The following LEPR variants were observed in gnomAD, a reference collection of about 807,000 sequenced individuals.
LEPR encodes the protein OB receptor.
In LEPR, 56 loss-of-function variants were observed where a neutral mutation model predicts 114.7. The ratio of observed to expected loss-of-function variants is 0.49; its 90% CI spans 0.39 to 0.61. The LOEUF (loss-of-function observed/expected upper bound fraction) is 0.61, where lower values mean the gene tolerates loss of function less well. LEPR is among the 20% of genes least tolerant of loss of function. The pLI, the probability that LEPR is intolerant of heterozygous loss-of-function variation, is 0.00. For missense variants in LEPR, 1,202 were observed against 1,352.9 expected (o/e 0.89, Z 1.75); for synonymous variants, 443 against 461.4 (o/e 0.96, Z 0.51).
intron 4 of LEPR, 125 bp from the exon 5 acceptor site, chr1:65,572,201 A>G (rs1019825571): frequency 3.2e-6 from 4 of 1,254,072 alleles, no homozygotes; most frequent in Non-Finnish European, 4.3e-6. Context: ...AGAATAGGCA[A>G]TGGAAGTTGT....
intron 2 of LEPR, among the ~76,000 whole-genome samples, chr1:65,520,538 C>T (rs1649580573): frequency 6.6e-6 from 1 of 152,102 alleles, no homozygotes; most frequent in South Asian, 2.1e-4. Flanking sequence ...TGTGGCATTC[C>T]TATGAATGAT....
Position 65,633,442 on chromosome 1 carries a change from T to G in LEPR, c.2674-2749T>G. Reference sequence around the variant, plus strand: ...AAAAGTAGTATTCATGATTTCTGGCTTTTGATTTGTCATATTCCTGGTCAT... The same window carrying G: ...AAAAGTAGTATTCATGATTTCTGGCGTTTGATTTGTCATATTCCTGGTCAT... On this transcript the variant is annotated intron_variant, in intron 19 of 19. Transcript: ENST00000349533. The surrounding 1 kb of genome is among the most constrained non-coding windows in gnomAD (Gnocchi z 4.1). 7.9e-7 allele frequency: 1 copy of G among 1,266,116 alleles called. No homozygotes were observed. Among genetic ancestry groups the G allele is most frequent in the Non-Finnish European group, 9.9e-7 (1 of 1,006,316 alleles). 78.4% of individuals were successfully genotyped at this position (1,266,116 alleles called of 1,614,324 possible).
At chr1:65,592,505 G>C in intron 5 of LEPR, 152 bp from the exon 6 acceptor site, 1 of 723,752 alleles carries the variant, frequency 1.4e-6, no homozygotes, top group Non-Finnish European at 2.2e-6. Context: ...CTTTATCTTT[G>C]TTTTTCTAAT....
intron 5 of LEPR, among the ~76,000 whole-genome samples, chr1:65,574,086 T>C (rs765922775): frequency 2.0e-5 from 3 of 152,196 alleles, no homozygotes; most frequent in Non-Finnish European, 4.4e-5. Context: ...CATAATGTCA[T>C]GGGAGCCCAT....
chr1:65,633,925 G>A lies in LEPR; in HGVS notation c.2674-2266G>A. The stretch of plus-strand genomic sequence containing the variant: ...CAGGTCAGATTGACGGGACCAGAAG[G>A]GAACATCGACTTCTAATCCAGCTTT... On this transcript the variant is annotated intron_variant, in intron 19 of 19. Coordinates refer to ENST00000349533, the MANE Select transcript of LEPR (RefSeq NM_002303.6). The surrounding 1 kb of genome is among the most constrained non-coding windows in gnomAD (Gnocchi z 4.1). The A allele has an allele frequency of 1.0e-6, 1 of 985,378 alleles. No individual in the cohort carries two copies. Among genetic ancestry groups the A allele is most frequent in the Middle Eastern group, 5.2e-4 (1 of 1,914 alleles). 61.0% of individuals were successfully genotyped at this position (985,378 alleles called of 1,614,324 possible).
intron 5 of LEPR, among the ~76,000 whole-genome samples, chr1:65,587,654 G>A (rs754161290): frequency 6.6e-6 from 1 of 151,962 alleles, no homozygotes; most frequent in Non-Finnish European, 1.5e-5. Flanking sequence ...TTAATTTAGT[G>A]TGCTTTTGAC....
chr1:65,595,313 T>G (rs1489348535), intron 6 of LEPR, among the ~76,000 whole-genome samples: 1 of 152,060 alleles, frequency 6.6e-6, no homozygotes, highest in African/African-American at 2.4e-5. Context: ...AGGGGACTCC[T>G]TCATGGCCTC....
At chr1:65,619,208 G>A (rs1160379887) in intron 16 of LEPR, among the ~76,000 whole-genome samples, 2 of 152,150 alleles carry the variant, frequency 1.3e-5, no homozygotes, top group Non-Finnish European at 2.9e-5. Context: ...TTGTTGAACT[G>A]AATTTAGTTC....
intron 19 of LEPR, among the ~76,000 whole-genome samples, chr1:65,635,897 A>G (rs1017681076): frequency 1.3e-5 from 2 of 152,178 alleles, no homozygotes; most frequent in African/African-American, 2.4e-5. Flanking sequence ...ACCATGAAGC[A>G]CATTTTTAGA....
intron 19 of LEPR, chr1:65,629,422 A>T (rs1413427186): frequency 2.4e-6 from 1 of 414,916 alleles, no homozygotes; most frequent in African/African-American, 2.1e-5. Context: ...CATTGTTATG[A>T]TTATGTAAAT....
At chr1:65,425,401 A>T in intron 2 of LEPR, 23 bp downstream of exon 2, 1 of 1,571,306 alleles carries the variant, frequency 6.4e-7, no homozygotes, top group Non-Finnish European at 8.6e-7. Flanking sequence ...TTCAAAAAGA[A>T]CTATTCCTCT....
intron 2 of LEPR, among the ~76,000 whole-genome samples, chr1:65,548,730 A>G (rs1422994222): frequency 6.6e-6 from 1 of 151,998 alleles, no homozygotes; most frequent in Non-Finnish European, 1.5e-5. Flanking sequence ...TTTCCTGAAT[A>G]CAGCACACTG....
intron 2 of LEPR, among the ~76,000 whole-genome samples, chr1:65,511,051 T>C (rs980113136): frequency 6.6e-6 from 1 of 152,134 alleles, no homozygotes; most frequent in Non-Finnish European, 1.5e-5. Flanking sequence ...TTAGAATTGT[T>C]TTAGAGCTAA....
chr1:65,595,182 A>G (rs1462295477), intron 6 of LEPR, among the ~76,000 whole-genome samples: 3 of 151,958 alleles, frequency 2.0e-5, no homozygotes, highest in Admixed American at 1.3e-4. Context: ...CAGGGGTGGC[A>G]TTAGCTCATT....
At chr1:65,499,770 C>T (rs547285149) in intron 2 of LEPR, among the ~76,000 whole-genome samples, 39 of 152,242 alleles carry the variant, frequency 2.6e-4, no homozygotes, top group African/African-American at 9.1e-4. Flanking sequence ...TACAGCTCAT[C>T]GATGTTTGTT....
chr1:65,437,332 C>T (rs920159464), intron 2 of LEPR, among the ~76,000 whole-genome samples: 3 of 152,072 alleles, frequency 2.0e-5, no homozygotes, highest in African/African-American at 7.2e-5. Flanking sequence ...TATCCTCCTG[C>T]CTCAACCTCG....
intron 2 of LEPR, among the ~76,000 whole-genome samples, chr1:65,552,241 G>T (rs1652438833): frequency 6.6e-6 from 1 of 152,172 alleles, no homozygotes; most frequent in African/African-American, 2.4e-5. Context: ...CCAGAGCTGA[G>T]TTCAAGTCCT....
intron 2 of LEPR, among the ~76,000 whole-genome samples, chr1:65,514,986 C>T (rs1649214591): frequency 6.6e-6 from 1 of 152,148 alleles, no homozygotes; most frequent in Non-Finnish European, 1.5e-5. Context: ...AAAATGGAAA[C>T]CAAATAAATT....
At chr1:65,490,589 G>C (rs920584457) in intron 2 of LEPR, among the ~76,000 whole-genome samples, 1 of 152,078 alleles carries the variant, frequency 6.6e-6, no homozygotes, top group Non-Finnish European at 1.5e-5. Flanking sequence ...CTGGGCTGTT[G>C]TAAGAATGGC....
Sources: allele counts gnomAD v4.1 joint callset (sites outside exome capture counted in the v4.1 genomes callset), GRCh38; gene constraint gnomAD v4.1.1; non-coding constraint Gnocchi (gnomAD v3.1); transcripts MANE v1.5; gene names NCBI Gene and HGNC (gene_info 2026-07-23, HGNC 2026-07-21).